Variants in SHANK1 observed in about 807,000 individuals in gnomAD.
SHANK1 encodes the protein SH3 and multiple ankyrin repeat domains 1.
A neutral mutation model predicts 165.6 loss-of-function variants in SHANK1; 35 were observed. The ratio of observed to expected loss-of-function variants is 0.21; its 90% CI spans 0.16 to 0.28. SHANK1 has a LOEUF of 0.28. Ranked by LOEUF, SHANK1 falls within the 10% of genes least tolerant of loss-of-function variation. The pLI is 1.00. For synonymous variants in SHANK1, 1,428 were observed against 1,384.8 expected (o/e 1.03, Z -0.69); for missense variants, 2,681 against 3,036.4 (o/e 0.88, Z 2.75).
chr19:50,709,300 G>A (rs1225699877), intron 8 of SHANK1, among the ~76,000 whole-genome samples: 2 of 151,904 alleles, frequency 1.3e-5, no homozygotes, highest in Non-Finnish European at 2.9e-5. Context: ...CACCACGCCT[G>A]GCTAACTTTT....
chr19:50,668,943 T>TGGTGGTGGTGGTGGGGCG lies in SHANK1; in HGVS notation c.2999_3016dup (p.Pro1000_His1005dup), dbSNP rs1985684901. ...GTGGGGCTGAGGGGGCGGGGCGTGG[T>TGGTGGTGGTGGTGGGGCG]GGTGGTGGTGGTGGGGCGGGTGGTG... On this transcript the variant is annotated inframe_insertion, in exon 23 of 24. Coordinates refer to ENST00000293441, the MANE Select transcript of SHANK1 (RefSeq NM_016148.5). 4 of 174,822 alleles carry TGGTGGTGGTGGTGGGGCG rather than the reference T, an allele frequency of 2.3e-5. No individual in the cohort carries two copies. The highest frequency in any genetic ancestry group is 3.5e-4 in the African/African-American group (2 of 5,760). The allele number at this position is 174,822 out of a possible 1,614,324, so 10.8% of individuals were successfully genotyped here. A position where few individuals can be genotyped will look rare whatever the true frequency, so the allele number is the denominator to read the frequency against.
chr19:50,696,129 G>A (rs926282209), intron 15 of SHANK1, among the ~76,000 whole-genome samples: 2 of 152,200 alleles, frequency 1.3e-5, no homozygotes, highest in African/African-American at 4.8e-5. Context: ...AGACAGAGTA[G>A]AAGGAGGAAG....
In SHANK1 at chr19:50,713,113, T is replaced by C. The variant is rs999359173; in HGVS notation, c.792+685A>G. Among the ~76,000 whole-genome samples, 1 of 152,084 alleles carries C rather than the reference T, an allele frequency of 6.6e-6. No homozygotes were observed. The highest frequency in any genetic ancestry group is 2.4e-5 in the African/African-American group (1 of 41,380). Reference sequence around the variant, plus strand: ...TCTGAGGGAGAGAAGGGAGGGGCCGTTTAGCTGGAGCAGCTGTGCGTCGGG... The same window carrying C: ...TCTGAGGGAGAGAAGGGAGGGGCCGCTTAGCTGGAGCAGCTGTGCGTCGGG... On this transcript the variant is annotated intron_variant, in intron 6 of 23. Coordinates refer to ENST00000293441, the MANE Select transcript of SHANK1 (RefSeq NM_016148.5). This position sits in a 1 kb window ranked among gnomAD's most constrained non-coding sequence, Gnocchi z 6.2.
At chr19:50,673,423 T>C (rs1985869383) in intron 21 of SHANK1, among the ~76,000 whole-genome samples, 1 of 152,120 alleles carries the variant, frequency 6.6e-6, no homozygotes, top group Non-Finnish European at 1.5e-5. Context: ...TCTACCCTCA[T>C]TGGAGAACAC....
In SHANK1 at chr19:50,668,941, G is replaced by C; in HGVS notation, c.3019C>G (p.His1007Asp). The C allele has an allele frequency of 2.2e-6, 1 of 463,328 alleles. No individual in the cohort carries two copies. The highest frequency in any genetic ancestry group is 3.9e-5 in the East Asian group (1 of 25,836). 28.7% of individuals were successfully genotyped at this position (463,328 alleles called of 1,614,324 possible). ...HHHPPHHHHHHAPPPQPHHHH... is the reference protein window; with the variant it reads ...HHHPPHHHHHDAPPPQPHHHH... ...TGGTGGGGCTGAGGGGGCGGGGCGT[G>C]GTGGTGGTGGTGGTGGGGCGGGTGG... The change falls in exon 23 of 24, where the codon CAC becomes GAC. Residue 1007 changes from histidine (H) to aspartate (D), a missense_variant. Physicochemically the swap from His to Asp is moderately conservative, Grantham distance 81. Transcript: ENST00000293441.
chr19:50,712,533 G>A (rs560665643), intron 6 of SHANK1, among the ~76,000 whole-genome samples: 27 of 152,346 alleles, frequency 1.8e-4, no homozygotes, highest in Admixed American at 5.9e-4. Flanking sequence ...ATTAGGTCCA[G>A]GATCTCAAAG....
chr19:50,699,416 G>T (rs1986834709), intron 12 of SHANK1, among the ~76,000 whole-genome samples: 1 of 152,208 alleles, frequency 6.6e-6, no homozygotes, highest in African/African-American at 2.4e-5. Context: ...GGGAAAATAA[G>T]AGGGTGTTTG....
Position 50,716,828 on chromosome 19 carries a change from T to G in SHANK1, c.92A>C (p.Asp31Ala), listed in dbSNP as rs753824429. The change falls in exon 2 of 24, where the codon GAC (aspartate) becomes GCC (alanine). Residue 31 changes from aspartate to alanine, a missense_variant. Transcript: ENST00000293441. This position sits in a 1 kb window ranked among gnomAD's most constrained non-coding sequence, Gnocchi z 8.4. ...CCCCCGGGGGCCTCGACCTGGCCCG[T>G]CTGGGGAGCTGTCGGACTCTGAGCC... ...EGGSESDSSP[D>A]GPGRGPRGTR... 2 of 1,568,288 alleles carry G rather than the reference T, an allele frequency of 1.3e-6. No individual in the cohort carries two copies. The highest frequency in any genetic ancestry group is 1.7e-6 in the Non-Finnish European group (2 of 1,162,020).
intron 12 of SHANK1, among the ~76,000 whole-genome samples, chr19:50,701,530 A>G (rs963472978): frequency 1.3e-5 from 2 of 151,974 alleles, no homozygotes; most frequent in Non-Finnish European, 2.9e-5. Flanking sequence ...TATGTAGGAA[A>G]CATTGGTCTA....
intron 15 of SHANK1, among the ~76,000 whole-genome samples, chr19:50,696,781 CAG>C (rs1167870615): frequency 6.6e-6 from 1 of 152,148 alleles, no homozygotes; most frequent in African/African-American, 2.4e-5. Context: ...TGTGTGTGAG[CAG>C]ACTCACTGAC....
Position 50,690,989 on chromosome 19 carries a change from T to G in SHANK1, c.1965-1710A>C, listed in dbSNP as rs1465161802. On this transcript the variant is annotated intron_variant, in intron 15 of 23. Coordinates refer to ENST00000293441, the MANE Select transcript of SHANK1 (RefSeq NM_016148.5). This position sits in a 1 kb window ranked among gnomAD's most constrained non-coding sequence, Gnocchi z 4.9. The stretch of plus-strand genomic sequence containing the variant: ...TCCTCCCTTCCTGCTGCCACCCTCC[T>G]TGTGGCACCTCAGTGCACCTAACAC... Among the ~76,000 whole-genome samples the G allele has an allele frequency of 1.3e-5, 2 of 152,132 alleles. No homozygotes were observed. Among genetic ancestry groups the G allele is most frequent in the Non-Finnish European group, 2.9e-5 (2 of 68,024 alleles).
At chr19:50,689,042 C>A in intron 16 of SHANK1, 74 bp from the exon 17 acceptor site, 1 of 1,232,518 alleles carries the variant, frequency 8.1e-7, no homozygotes, top group Non-Finnish European at 1.2e-6. Context: ...GGGCTCAGAC[C>A]CAAGTCACGG....
At chr19:50,711,316 G>C (rs2089006989) in intron 8 of SHANK1, 55 bp downstream of exon 8, 6 of 1,221,492 alleles carry the variant, frequency 4.9e-6, no homozygotes, top group Middle Eastern at 4.0e-4. Context: ...CTTGGCCCTG[G>C]GGGAGGCGGC....
rs748942213 is a variant in SHANK1 at position 50,702,421 on chromosome 19, C to T, written c.1747+46G>A. 1 of 1,532,608 alleles carries T rather than the reference C, an allele frequency of 6.5e-7. No homozygotes were observed. The highest frequency in any genetic ancestry group is 8.8e-7 in the Non-Finnish European group (1 of 1,131,310). 94.9% of individuals were successfully genotyped at this position (1,532,608 alleles called of 1,614,324 possible). On this transcript the variant is annotated intron_variant, in intron 12 of 23. Transcript: ENST00000293441. The surrounding 1 kb of genome is among the most constrained non-coding windows in gnomAD (Gnocchi z 5.3). ...CTCTGCTCCACATTTTCCCTGATCG[C>T]CCCCACAGCCCAGCCCAGCCCAGGC... is the stretch of plus-strand genomic sequence containing the variant.
chr19:50,710,008 C>T (rs891666623), intron 8 of SHANK1, among the ~76,000 whole-genome samples: 12 of 152,298 alleles, frequency 7.9e-5, no homozygotes, highest in South Asian at 2.1e-4. Context: ...GGCTCACCCT[C>T]GTCAATAAGA....
rs1414159520 is a variant in SHANK1, at chr19:50,667,509, T to C, written c.4451A>G (p.Glu1484Gly). The C allele has an allele frequency of 3.9e-6, 6 of 1,520,694 alleles. No individual in the cohort carries two copies. The African/African-American group carries it at 4.2e-5, about 11-fold the overall frequency. 94.2% of individuals were successfully genotyped at this position (1,520,694 alleles called of 1,614,324 possible). The part of the protein sequence containing the change: ...SKPWRSAAPE[E>G]PERLPLHVRF... ...CACGTGCAGCGGCAGCCGCTCGGGT[T>C]CTTCGGGGGCTGCGGACCTCCAGGG... Residue 1484 changes from glutamate (E) to glycine (G), a missense_variant, in exon 23 of 24, where the codon GAA becomes GGA. By Grantham distance (98) the Glu-to-Gly change is moderately conservative (BLOSUM62 -2). Transcript: ENST00000293441. This position sits in a 1 kb window ranked among gnomAD's most constrained non-coding sequence, Gnocchi z 5.7.
Position 50,686,896 on chromosome 19 carries a change from G to C in SHANK1, c.2390-84C>G. 1.3e-6 allele frequency: 2 copies of C among 1,513,726 alleles called. No homozygotes were observed. The highest frequency in any genetic ancestry group is 1.8e-6 in the Non-Finnish European group (2 of 1,110,970). 93.8% of individuals were successfully genotyped at this position (1,513,726 alleles called of 1,614,324 possible). A position where few individuals can be genotyped will look rare whatever the true frequency, so the allele number is the denominator to read the frequency against. Reference sequence around the variant, plus strand: ...CTCGGCCTGTGGGCGTGGCCAGCAGGTGCGGGCCAGTGGGCGTGGCGGGCG... The same window carrying C: ...CTCGGCCTGTGGGCGTGGCCAGCAGCTGCGGGCCAGTGGGCGTGGCGGGCG... On this transcript the variant is annotated intron_variant, in intron 19 of 23. Coordinates refer to ENST00000293441, the MANE Select transcript of SHANK1 (RefSeq NM_016148.5). This position sits in a 1 kb window ranked among gnomAD's most constrained non-coding sequence, Gnocchi z 5.7.
chr19:50,687,994 C>A lies in SHANK1; in HGVS notation c.2237G>T (p.Gly746Val), dbSNP rs1568435868. The A allele has an allele frequency of 6.2e-7, 1 of 1,614,124 alleles. No individual in the cohort carries two copies. Among genetic ancestry groups the A allele is most frequent in the Non-Finnish European group, 8.5e-7 (1 of 1,179,988 alleles). Residue 746 changes from glycine (G) to valine (V), a missense_variant, in exon 18 of 24, where the codon GGC (glycine) becomes GTC (valine). Transcript: ENST00000293441. ...CACCACCTTCACCATCAGCGTGTTGCCCCCTTGGCGGATCATGTTCACCAC... is the reference window on the plus strand; with the variant it reads ...CACCACCTTCACCATCAGCGTGTTGACCCCTTGGCGGATCATGTTCACCAC... Reference protein sequence around the residue: ...RQVVNMIRQGGNTLMVKVVMV... With the variant: ...RQVVNMIRQGVNTLMVKVVMV...
intron 11 of SHANK1, 35 bp downstream of exon 11, chr19:50,703,465 G>A (rs1479844015): frequency 4.6e-6 from 7 of 1,509,624 alleles, no homozygotes; most frequent in Non-Finnish European, 6.2e-6. Context: ...ATTTGACGGG[G>A]CTGGGGACTG....
Sources: gnomAD v4.1 joint callset for allele counts (sites outside exome capture counted in the v4.1 genomes callset) on GRCh38, gnomAD v4.1.1 for gene constraint, Gnocchi (gnomAD v3.1) non-coding constraint, MANE v1.5 for transcripts, NCBI Gene and HGNC (gene_info 2026-07-23, HGNC 2026-07-21) for gene names.